The following PTCD2 variants were observed in gnomAD, a reference collection of about 807,000 sequenced individuals.
PTCD2 encodes the protein pentatricopeptide repeat domain 2, also known as pentatricopeptide repeat-containing protein 2, mitochondrial.
Under a neutral mutation model 42.6 loss-of-function variants are expected in PTCD2, and 31 were observed. That is an observed-to-expected ratio of 0.73 (90% CI 0.55 to 0.98). The LOEUF (loss-of-function observed/expected upper bound fraction) is 0.98. PTCD2 is among the 50% of genes least tolerant of loss of function. The pLI is 0.00. For missense variants in PTCD2, 476 were observed against 454.8 expected (o/e 1.05, Z -0.42); for synonymous variants, 183 against 170.9 (o/e 1.07, Z -0.55).
intron 6 of PTCD2, 23 bp from the exon 7 acceptor site, chr5:72,338,599 C>A: frequency 7.9e-7 from 1 of 1,260,138 alleles, no homozygotes. Flanking sequence ...TAACATTAAT[C>A]GAACAATCCT....
chr5:72,354,305 G>A (rs928078256), intron 9 of PTCD2, among the ~76,000 whole-genome samples: 2 of 137,628 alleles, frequency 1.5e-5, no homozygotes, highest in African/African-American at 5.5e-5. Flanking sequence ...GGAGGCCGAG[G>A]CACGAGAATC....
intron 8 of PTCD2, 29 bp from the exon 9 acceptor site, chr5:72,352,612 G>T: frequency 2.7e-6 from 3 of 1,117,850 alleles, no homozygotes; most frequent in South Asian, 2.6e-5. Flanking sequence ...ACTCAGTCTT[G>T]GTTTTGCTTG....
In PTCD2 at chr5:72,364,359, A is replaced by C. The variant is rs758902081; in HGVS notation, c.*5932A>C. 3 of 152,242 alleles carry C rather than the reference A, an allele frequency of 2.0e-5. No individual in the cohort carries two copies. Among genetic ancestry groups the C allele is most frequent in the Non-Finnish European group, 4.4e-5 (3 of 68,028 alleles). 9.4% of individuals were successfully genotyped at this position (152,242 alleles called of 1,614,324 possible). On this transcript the variant is annotated 3_prime_UTR_variant, in exon 10 of 10. Coordinates refer to ENST00000380639, the MANE Select transcript of PTCD2 (RefSeq NM_024754.5). ...TGGGATAAGTGCTAAGTCTAGGGTA[A>C]TCTTCATATCACCCTGTGGCATGTA...
rs111691788 is a variant in PTCD2 at position 72,366,007 on chromosome 5, G to A, written c.*7580G>A. Reference sequence around the variant, plus strand: ...GGCAGGCAGATCACCTGAGGTCAGGGGTTCTAGACCAGCCTGGCCAGCATG... The same window carrying A: ...GGCAGGCAGATCACCTGAGGTCAGGAGTTCTAGACCAGCCTGGCCAGCATG... On this transcript the variant is annotated 3_prime_UTR_variant, in exon 10 of 10. Transcript: ENST00000380639. 9,596 of 152,134 alleles carry A rather than the reference G, an allele frequency of 0.063. 560 individuals are homozygous for A. The highest frequency in any genetic ancestry group is 0.15 in the African/African-American group (6,376 of 41,460). The allele number at this position is 152,134 out of a possible 1,614,324, so 9.4% of individuals were successfully genotyped here.
intron 8 of PTCD2, among the ~76,000 whole-genome samples, chr5:72,350,385 G>A (rs926240358): frequency 1.3e-5 from 2 of 152,170 alleles, no homozygotes; most frequent in African/African-American, 4.8e-5. Flanking sequence ...AAAGCTCTAT[G>A]TGCCTCTTGC....
intron 1 of PTCD2, 151 bp from the exon 2 acceptor site, chr5:72,322,021 T>A: frequency 6.2e-6 from 3 of 480,916 alleles, no homozygotes; most frequent in Non-Finnish European, 1.1e-5. Flanking sequence ...TTTCCCAGGA[T>A]TTATATTTGT....
intron 9 of PTCD2, among the ~76,000 whole-genome samples, chr5:72,356,329 T>C (rs1391466047): frequency 6.6e-6 from 1 of 152,198 alleles, no homozygotes; most frequent in Non-Finnish European, 1.5e-5. Context: ...ATAAGACTCT[T>C]GTACTTAGAA....
At chr5:72,346,186 A>G (rs1300521404) in intron 8 of PTCD2, among the ~76,000 whole-genome samples, 1 of 152,274 alleles carries the variant, frequency 6.6e-6, no homozygotes, top group Non-Finnish European at 1.5e-5. Context: ...AGAACTTGAA[A>G]AAATGAAATG....
chr5:72,320,734 C>A, intron 1 of PTCD2: 1 of 576,936 alleles, frequency 1.7e-6, no homozygotes, highest in Non-Finnish European at 3.0e-6. Flanking sequence ...GACCTTGGGG[C>A]TGTAGTGCTC....
chr5:72,322,781 A>T (rs1462607696), intron 2 of PTCD2, among the ~76,000 whole-genome samples: 1 of 152,248 alleles, frequency 6.6e-6, no homozygotes, highest in Non-Finnish European at 1.5e-5. Context: ...GTGATGATAC[A>T]TTTGGTATTT....
intron 9 of PTCD2, 148 bp from the exon 10 acceptor site, chr5:72,358,055 G>T: frequency 1.5e-6 from 1 of 676,808 alleles, no homozygotes; most frequent in Non-Finnish European, 2.5e-6. Context: ...CTGTCTCAGC[G>T]TCCAAAATTG....
intron 1 of PTCD2, among the ~76,000 whole-genome samples, chr5:72,321,818 G>T (rs753738564): frequency 1.3e-4 from 19 of 149,872 alleles, no homozygotes; most frequent in Admixed American, 2.0e-4. Flanking sequence ...AATGTTATTA[G>T]TTTTTTTTTT....
At chr5:72,347,913 G>A (rs1002473624) in intron 8 of PTCD2, among the ~76,000 whole-genome samples, 1 of 152,170 alleles carries the variant, frequency 6.6e-6, no homozygotes, top group Admixed American at 6.5e-5. Flanking sequence ...TATGGATGCA[G>A]TGGAATGGGC....
Position 72,335,888 on chromosome 5 carries a change from A to G in PTCD2, c.639+3A>G. On this transcript the variant is annotated splice_donor_region_variant and intron_variant, in intron 6 of 9. Coordinates refer to ENST00000380639, the MANE Select transcript of PTCD2 (RefSeq NM_024754.5). ...CTTTTGCAATTTGCTACAAACTGGT[A>G]AGACTCTTTCCTCTTAACTTTGAGA... The G allele has an allele frequency of 2.5e-6, 4 of 1,579,182 alleles. No homozygotes were observed. The highest frequency in any genetic ancestry group is 3.5e-6 in the Non-Finnish European group (4 of 1,148,264).
At chr5:72,341,393 A>G (rs1166132939) in intron 7 of PTCD2, among the ~76,000 whole-genome samples, 1 of 152,066 alleles carries the variant, frequency 6.6e-6, no homozygotes, top group Non-Finnish European at 1.5e-5. Context: ...TAAAAATATC[A>G]TCTTTATGAG....
chr5:72,336,278 T>C (rs1461623450), intron 6 of PTCD2, among the ~76,000 whole-genome samples: 1 of 152,192 alleles, frequency 6.6e-6, no homozygotes, highest in African/African-American at 2.4e-5. Context: ...TGTGAAGGCT[T>C]TTGCAATCAC....
chr5:72,348,869 C>T (rs1386799155), intron 8 of PTCD2, among the ~76,000 whole-genome samples: 1 of 152,218 alleles, frequency 6.6e-6, no homozygotes, highest in Non-Finnish European at 1.5e-5. Context: ...GTTAATGCCC[C>T]TTTCTCCTAC....
intron 3 of PTCD2, among the ~76,000 whole-genome samples, chr5:72,327,940 G>T (rs1339697662): frequency 6.6e-6 from 1 of 152,086 alleles, no homozygotes; most frequent in African/African-American, 2.4e-5. Context: ...TTATCTAAAT[G>T]TATATTTTTC....
Position 72,364,609 on chromosome 5 carries a change from CATTA to C in PTCD2, c.*6188_*6191del, listed in dbSNP as rs1330174291. On this transcript the variant is annotated 3_prime_UTR_variant, in exon 10 of 10. Coordinates refer to ENST00000380639, the MANE Select transcript of PTCD2 (RefSeq NM_024754.5). ...TTAATATTTTTTGAAAGAGTGATTT[CATTA>C]ATTAACGGCAGATTTTAGTTAATAT... The C allele has an allele frequency of 1.3e-5, 2 of 152,130 alleles. No homozygotes were observed. Among genetic ancestry groups the C allele is most frequent in the African/African-American group, 2.4e-5 (1 of 41,424 alleles). The allele number at this position is 152,130 out of a possible 1,614,324, so 9.4% of individuals were successfully genotyped here. A position where few individuals can be genotyped will look rare whatever the true frequency, so the allele number is the denominator to read the frequency against.
Sources: gnomAD v4.1 joint callset for allele counts (sites outside exome capture counted in the v4.1 genomes callset) on GRCh38, gnomAD v4.1.1 for gene constraint, MANE v1.5 for transcripts, NCBI Gene and HGNC (gene_info 2026-07-23, HGNC 2026-07-21) for gene names.